The following ITPRID1 variants were observed in gnomAD, a reference collection of about 807,000 sequenced individuals.
The protein encoded by ITPRID1 is protein ITPRID1.
In ITPRID1, 96 loss-of-function variants were observed where a neutral mutation model predicts 95.4. The ratio of observed to expected loss-of-function variants is 1.01; its 90% CI spans 0.85 to 1.19. The LOEUF (loss-of-function observed/expected upper bound fraction) is 1.19. Ranked by LOEUF, ITPRID1 falls within the 50% of genes most tolerant of loss-of-function variation. ITPRID1 has a pLI of 0.00. For synonymous variants in ITPRID1, 510 were observed against 453.6 expected, an observed-to-expected ratio of 1.12 and a Z score of -1.58; for missense variants, 1,339 against 1,252.9, an observed-to-expected ratio of 1.07 and a Z score of -1.04.
intron 5 of ITPRID1, among the ~76,000 whole-genome samples, chr7:31,565,746 A>AAAAAATAAAAAT (rs1340933709): frequency 6.6e-6 from 1 of 151,978 alleles, no homozygotes; most frequent in Non-Finnish European, 1.5e-5. Context: ...TCAAAAAAAT[A>AAAAAATAAAAAT]AAAAATAAAA....
intron 10 of ITPRID1, among the ~76,000 whole-genome samples, chr7:31,610,174 T>C (rs1307169478): frequency 6.6e-6 from 1 of 151,684 alleles, no homozygotes; most frequent in Non-Finnish European, 1.5e-5. Flanking sequence ...TTATTGAGGC[T>C]TATTTTGTGG....
At chr7:31,651,318 G>A (rs776248050) in intron 13 of ITPRID1, 49 bp downstream of exon 13, 2 of 1,591,772 alleles carry the variant, frequency 1.3e-6, no homozygotes, top group Admixed American at 3.5e-5. Flanking sequence ...CACACACCTG[G>A]AGCAAGGAAG....
intron 10 of ITPRID1, among the ~76,000 whole-genome samples, chr7:31,599,638 T>C (rs1021603412): frequency 1.0e-4 from 5 of 49,826 alleles, no homozygotes; most frequent in African/African-American, 3.3e-4. Context: ...TCTTTCTTTC[T>C]TTCTTTCTTT....
intron 5 of ITPRID1, among the ~76,000 whole-genome samples, chr7:31,558,900 A>G (rs1214562680): frequency 6.6e-6 from 1 of 152,236 alleles, no homozygotes; most frequent in Non-Finnish European, 1.5e-5. Flanking sequence ...TTTTAATGCC[A>G]CTAAAATATA....
At chr7:31,530,363 G>A (rs1161989306) in intron 1 of ITPRID1, among the ~76,000 whole-genome samples, 10 of 152,264 alleles carry the variant, frequency 6.6e-5, no homozygotes, top group Non-Finnish European at 1.2e-4. Context: ...AAGACTGAAC[G>A]TGATGTACTG....
chr7:31,562,041 AT>A (rs1235888699), intron 5 of ITPRID1, among the ~76,000 whole-genome samples: 8 of 93,010 alleles, frequency 8.6e-5, no homozygotes, highest in African/African-American at 2.4e-4. Flanking sequence ...AAAGCTATGT[AT>A]TTAAAAAAAA....
chr7:31,534,501 T>C (rs1783698282), intron 1 of ITPRID1, among the ~76,000 whole-genome samples: 1 of 152,316 alleles, frequency 6.6e-6, no homozygotes, highest in Middle Eastern at 3.4e-3. Context: ...TTTGTTATGA[T>C]AACATTGCTT....
At position 31,642,786 on chromosome 7, in the gene ITPRID1, G is replaced by T. The variant is rs146986060; in HGVS notation, c.1416G>T (p.Ser472=). The change falls in exon 12 of 15, where the codon TCG becomes TCT. Residue 472 remains serine (S), a synonymous_variant. Coordinates refer to ENST00000615280, the MANE Select transcript of ITPRID1 (RefSeq NM_001257967.3). ...LVSSQDCQLE[S]DGPDSKSRAS... ...CATCCCAGGACTGTCAGCTAGAGTC[G>T]GATGGGCCAGATTCCAAAAGTAGGG... 206 of 1,613,840 alleles carry T rather than the reference G, an allele frequency of 1.3e-4. 1 individual carries two copies. Among genetic ancestry groups the T allele is most frequent in the Middle Eastern group, 1.2e-3 (7 of 6,084 alleles).
intron 1 of ITPRID1, among the ~76,000 whole-genome samples, chr7:31,523,106 A>AAC (rs1158681831): frequency 6.6e-6 from 1 of 152,240 alleles, no homozygotes. Flanking sequence ...GCCTTGCATT[A>AAC]AGTAGATACC....
chr7:31,518,167 A>G (rs1783109065), intron 1 of ITPRID1: 1 of 152,328 alleles, frequency 6.6e-6, no homozygotes, highest in Non-Finnish European at 1.5e-5. Flanking sequence ...TTGATGCTAC[A>G]CTGCTAACTT....
intron 1 of ITPRID1, among the ~76,000 whole-genome samples, chr7:31,544,244 A>G (rs1044362574): frequency 4.6e-5 from 7 of 152,094 alleles, no homozygotes; most frequent in Non-Finnish European, 8.8e-5. Context: ...ATCAAGTTGA[A>G]GATTCCTAGT....
At chr7:31,581,264 G>T (rs1305319971) in intron 9 of ITPRID1, among the ~76,000 whole-genome samples, 2 of 152,098 alleles carry the variant, frequency 1.3e-5, no homozygotes, top group African/African-American at 2.4e-5. Flanking sequence ...ACTAAAAGCT[G>T]CATTTGGCAA....
Position 31,638,867 on chromosome 7 carries a change from C to G in ITPRID1, c.1229-3309C>G, listed in dbSNP as rs554166018. ...TCTCAGCTTACTACAACCTCCACCT[C>G]CCAGGTTCGAGCAATTCTTTTGCCT... On this transcript the variant is annotated intron_variant, in intron 10 of 14. Transcript: ENST00000615280. Among the ~76,000 whole-genome samples, 824 of 152,254 alleles carry G rather than the reference C, an allele frequency of 5.4e-3. 6 individuals carry two copies. Among genetic ancestry groups the G allele is most frequent in the Non-Finnish European group, 9.5e-3 (646 of 68,016 alleles).
chr7:31,606,129 C>T (rs1485519675), intron 10 of ITPRID1, among the ~76,000 whole-genome samples: 2 of 152,072 alleles, frequency 1.3e-5, no homozygotes, highest in Non-Finnish European at 2.9e-5. Flanking sequence ...CTGTGTTTAT[C>T]ATAATGATTC....
chr7:31,615,451 G>C (rs1168132564), intron 10 of ITPRID1, among the ~76,000 whole-genome samples: 1 of 152,098 alleles, frequency 6.6e-6, no homozygotes, highest in East Asian at 1.9e-4. Context: ...AGCAGTAAAT[G>C]GCAGTTAGTT....
At chr7:31,595,379 G>A (rs1786045143) in intron 10 of ITPRID1, among the ~76,000 whole-genome samples, 1 of 128,594 alleles carries the variant, frequency 7.8e-6, no homozygotes. Flanking sequence ...CACACTGTAT[G>A]AGCCACATTT....
chr7:31,641,200 C>G (rs1789983946), intron 10 of ITPRID1, among the ~76,000 whole-genome samples: 1 of 152,176 alleles, frequency 6.6e-6, no homozygotes, highest in Non-Finnish European at 1.5e-5. Context: ...GGGATCATTT[C>G]CCTCCCTTGA....
At chr7:31,656,747 T>G (rs1791324784), downstream of ITPRID1, among the ~76,000 whole-genome samples, 1 of 152,182 alleles carries the variant, frequency 6.6e-6, no homozygotes, top group Admixed American at 6.6e-5. Context: ...TCATGTGTGA[T>G]GGAGGAGAGA....
intron 1 of ITPRID1, among the ~76,000 whole-genome samples, chr7:31,533,928 G>A (rs1421788774): frequency 6.6e-6 from 1 of 152,154 alleles, no homozygotes; most frequent in Non-Finnish European, 1.5e-5. Context: ...TCCCTGGCCT[G>A]CTACAAACCA....
Sources: gnomAD v4.1 joint callset for allele counts (sites outside exome capture counted in the v4.1 genomes callset) on GRCh38, gnomAD v4.1.1 for gene constraint, MANE v1.5 for transcripts, NCBI Gene and HGNC (gene_info 2026-07-23, HGNC 2026-07-21) for gene names.